The following HHAT variants were observed in gnomAD, a reference collection of about 807,000 sequenced individuals.
The protein encoded by HHAT is protein-cysteine N-palmitoyltransferase HHAT.
Under a neutral mutation model 70.8 loss-of-function variants are expected in HHAT, and 47 were observed. The ratio of observed to expected loss-of-function variants is 0.66; its 90% CI spans 0.53 to 0.85. The LOEUF is 0.85. Ranked by LOEUF, HHAT falls within the 40% of genes least tolerant of loss-of-function variation. The pLI, the probability that HHAT is intolerant of heterozygous loss-of-function variation, is 0.00. For missense variants in HHAT, 609 were observed against 604.8 expected, an observed-to-expected ratio of 1.01 and a Z score of -0.07; for synonymous variants, 228 against 247.6, an observed-to-expected ratio of 0.92 and a Z score of 0.74.
intron 10 of HHAT, among the ~76,000 whole-genome samples, chr1:210,619,759 C>G (rs981290671): frequency 3.6e-5 from 1 of 28,044 alleles, no homozygotes. Flanking sequence ...GTGCCACTCT[C>G]ATTTTTTGCT....
intron 6 of HHAT, among the ~76,000 whole-genome samples, chr1:210,407,524 T>G (rs540149787): frequency 1.3e-5 from 2 of 152,218 alleles, no homozygotes; most frequent in Non-Finnish European, 2.9e-5. Flanking sequence ...GAATGTGTCT[T>G]CCACCCAATT....
At chr1:210,395,680 C>T (rs1406441395) in intron 4 of HHAT, among the ~76,000 whole-genome samples, 1 of 152,102 alleles carries the variant, frequency 6.6e-6, no homozygotes, top group East Asian at 1.9e-4. Flanking sequence ...ATTAGCAAAA[C>T]AGCCATTGTT....
chr1:210,328,757 G>T (rs561288313), upstream of HHAT: 20 of 333,908 alleles, frequency 6.0e-5, no homozygotes, highest in Middle Eastern at 1.6e-3. Flanking sequence ...GGGGTGAGCG[G>T]GGCTAGGGGC....
chr1:210,606,349 C>T (rs1295739135), intron 10 of HHAT, among the ~76,000 whole-genome samples: 1 of 152,170 alleles, frequency 6.6e-6, no homozygotes, highest in African/African-American at 2.4e-5. Flanking sequence ...CTTTCTTACA[C>T]AACTGTTTCC....
intron 11 of HHAT, among the ~76,000 whole-genome samples, chr1:210,657,422 A>G (rs1349798439): frequency 6.6e-6 from 1 of 152,180 alleles, no homozygotes; most frequent in African/African-American, 2.4e-5. Flanking sequence ...GGTGAGAACA[A>G]AGGCATCTTT....
At chr1:210,603,879 T>G (rs1013705641) in intron 10 of HHAT, among the ~76,000 whole-genome samples, 1 of 152,222 alleles carries the variant, frequency 6.6e-6, no homozygotes, top group Non-Finnish European at 1.5e-5. Context: ...TACTTGTGAT[T>G]ACTGACATGT....
intron 9 of HHAT, among the ~76,000 whole-genome samples, chr1:210,517,261 T>C (rs1406778961): frequency 1.3e-5 from 2 of 152,242 alleles, no homozygotes; most frequent in African/African-American, 2.4e-5. Flanking sequence ...TGATTCTTGC[T>C]GACTGAGGCA....
At chr1:210,592,671 A>T (rs1170983876) in intron 10 of HHAT, among the ~76,000 whole-genome samples, 1 of 152,054 alleles carries the variant, frequency 6.6e-6, no homozygotes, top group Non-Finnish European at 1.5e-5. Context: ...ATGAACATGG[A>T]ATATCTTTCC....
intron 2 of HHAT, among the ~76,000 whole-genome samples, chr1:210,355,628 G>C (rs2087532493): frequency 6.6e-6 from 1 of 152,128 alleles, no homozygotes; most frequent in African/African-American, 2.4e-5. Context: ...GGATTTCTAA[G>C]TGAGAGTGGT....
intron 9 of HHAT, among the ~76,000 whole-genome samples, chr1:210,547,079 C>T (rs1439032713): frequency 6.6e-6 from 1 of 152,158 alleles, no homozygotes; most frequent in East Asian, 1.9e-4. Context: ...CCTGTAATCC[C>T]AGCACTTTGG....
At chr1:210,441,111 C>T (rs2093497079) in intron 7 of HHAT, among the ~76,000 whole-genome samples, 2 of 152,112 alleles carry the variant, frequency 1.3e-5, no homozygotes, top group Non-Finnish European at 2.9e-5. Flanking sequence ...ATGTCACTGC[C>T]ACTAGAGTGT....
At chr1:210,441,597 C>G (rs977607713) in intron 7 of HHAT, among the ~76,000 whole-genome samples, 2 of 152,012 alleles carry the variant, frequency 1.3e-5, no homozygotes, top group Non-Finnish European at 2.9e-5. Flanking sequence ...CTATGGCTCA[C>G]CAAAGATATT....
In HHAT at chr1:210,394,709, G is replaced by A. The variant is rs915362711; in HGVS notation, c.274-5759G>A. Among the ~76,000 whole-genome samples the A allele has an allele frequency of 3.9e-5, 6 of 152,198 alleles. No homozygotes were observed. The East Asian group carries it at 1.2e-3, about 29-fold the overall frequency. On this transcript the variant is annotated intron_variant, in intron 4 of 11. Transcript: ENST00000261458. ...CGCAGGTAATGCAAAGGGCTGAGAA[G>A]CCTGACCCATGGTGCTGAGTGAGAT... is the stretch of plus-strand genomic sequence containing the variant.
intron 8 of HHAT, among the ~76,000 whole-genome samples, chr1:210,510,357 C>A (rs2094932753): frequency 1.3e-5 from 2 of 152,152 alleles, no homozygotes; most frequent in Non-Finnish European, 2.9e-5. Context: ...GTTGGATGAA[C>A]CTTATTTTTT....
chr1:210,412,126 C>G (rs986994640), intron 6 of HHAT, among the ~76,000 whole-genome samples: 5 of 152,102 alleles, frequency 3.3e-5, no homozygotes, highest in Non-Finnish European at 5.9e-5. Flanking sequence ...TATAAGGGTG[C>G]TATTCCCAAC....
chr1:210,626,520 G>T (rs931217619), intron 11 of HHAT, among the ~76,000 whole-genome samples: 1 of 152,158 alleles, frequency 6.6e-6, no homozygotes, highest in African/African-American at 2.4e-5. Flanking sequence ...CTGCTGGTCT[G>T]TCCCATGGGC....
chr1:210,492,923 G>A (rs1184804738), intron 8 of HHAT, among the ~76,000 whole-genome samples: 1 of 151,910 alleles, frequency 6.6e-6, no homozygotes, highest in East Asian at 1.9e-4. Flanking sequence ...TCAGCCTTTC[G>A]GGATCTCATT....
chr1:210,566,776 G>T (rs146918163), intron 9 of HHAT, among the ~76,000 whole-genome samples: 3 of 152,238 alleles, frequency 2.0e-5, no homozygotes, highest in African/African-American at 7.2e-5. Context: ...TAAAACCCCT[G>T]CATTCATCCT....
intron 1 of HHAT, among the ~76,000 whole-genome samples, chr1:210,347,864 G>A (rs1481315411): frequency 1.3e-5 from 2 of 152,202 alleles, no homozygotes; most frequent in Admixed American, 1.3e-4. Context: ...GGGAGGGAAA[G>A]AAAGAGATGG....
Sources: gnomAD v4.1 joint callset for allele counts (sites outside exome capture counted in the v4.1 genomes callset) on GRCh38, gnomAD v4.1.1 for gene constraint, MANE v1.5 for transcripts, NCBI Gene and HGNC (gene_info 2026-07-23, HGNC 2026-07-21) for gene names.